TTF2: variants seen among roughly 807,000 people sequenced by gnomAD.
The protein encoded by TTF2 is RNA polymerase II termination factor.
A neutral mutation model predicts 142.4 loss-of-function variants in TTF2; 108 were observed. That is an observed-to-expected ratio of 0.76 (90% CI 0.65 to 0.89). The LOEUF (loss-of-function observed/expected upper bound fraction) is 0.89. Ranked by LOEUF, TTF2 falls within the 40% of genes least tolerant of loss-of-function variation. TTF2 has a pLI of 0.00. For synonymous variants in TTF2, 483 were observed against 506.2 expected, an observed-to-expected ratio of 0.95 and a Z score of 0.61; for missense variants, 1,327 against 1,379.8, an observed-to-expected ratio of 0.96 and a Z score of 0.61.
Position 117,077,917 on chromosome 1 carries a change from C to T in TTF2, c.1575C>T (p.Gly525=). The T allele has an allele frequency of 6.2e-7, 1 of 1,614,018 alleles. No homozygotes were observed. The highest frequency in any genetic ancestry group is 1.3e-5 in the African/African-American group (1 of 75,042). ...TAGGSSQCYR[G]HTNQDHVHAV... ...TAGGTAACACCTATTTGTATGCAGG[C>T]CATACAAACCAAGATCACGTTCATG... Residue 525 remains glycine (G), a splice_region_variant and synonymous_variant, in exon 8 of 23, where the codon GGC becomes GGT. Coordinates refer to ENST00000369466, the MANE Select transcript of TTF2 (RefSeq NM_003594.4).
chr1:117,093,283 C>T lies in TTF2; in HGVS notation c.2976+382C>T, dbSNP rs10494197. On this transcript the variant is annotated intron_variant, in intron 18 of 22. Coordinates refer to ENST00000369466, the MANE Select transcript of TTF2 (RefSeq NM_003594.4). This position sits in a 1 kb window ranked among gnomAD's most constrained non-coding sequence, Gnocchi z 4.5. ...GACTCTAGAGACTGTGTCATACATGCGAGCGCCAATTGCTCTGACTTTGAA... is the reference window on the plus strand; with the variant it reads ...GACTCTAGAGACTGTGTCATACATGTGAGCGCCAATTGCTCTGACTTTGAA... Among the ~76,000 whole-genome samples the T allele has an allele frequency of 0.062, 9,433 of 152,214 alleles. 528 individuals carry two copies. The highest frequency in any genetic ancestry group is 0.13 in the African/African-American group (5,494 of 41,496).
Position 117,072,713 on chromosome 1 carries a change from G to A in TTF2, c.219-948G>A, listed in dbSNP as rs186161469. On this transcript the variant is annotated intron_variant, in intron 3 of 22. Coordinates refer to ENST00000369466, the MANE Select transcript of TTF2 (RefSeq NM_003594.4). Reference sequence around the variant, plus strand: ...GCTGGGATTACAGGTGTGAGCCACCGCACCCGGCCAAGATATGAACTATTT... The same window carrying A: ...GCTGGGATTACAGGTGTGAGCCACCACACCCGGCCAAGATATGAACTATTT... Among the ~76,000 whole-genome samples the A allele has an allele frequency of 7.9e-3, 1,195 of 152,184 alleles. 13 individuals are homozygous for A. The highest frequency in any genetic ancestry group is 0.01 in the Admixed American group (159 of 15,296).
chr1:117,063,652 C>T lies in TTF2; in HGVS notation c.218+1179C>T, dbSNP rs1334670597. 3.3e-5 allele frequency among the ~76,000 whole-genome samples: 5 copies of T among 152,088 alleles called. No homozygotes were observed. The highest frequency in any genetic ancestry group is 9.7e-5 in the African/African-American group (4 of 41,412). ...CCTATTTGCCATCAGAAAATCTCGA[C>T]GTTATCTGTTTAAATATTTTATCCT... is the stretch of plus-strand genomic sequence containing the variant. On this transcript the variant is annotated intron_variant, in intron 3 of 22. Coordinates refer to ENST00000369466, the MANE Select transcript of TTF2 (RefSeq NM_003594.4). The surrounding 1 kb of genome is among the most constrained non-coding windows in gnomAD (Gnocchi z 4.1).
chr1:117,091,605 C>T (rs2101140099), intron 16 of TTF2, among the ~76,000 whole-genome samples, 195 bp downstream of exon 16: 1 of 152,194 alleles, frequency 6.6e-6, no homozygotes, highest in African/African-American at 2.4e-5. Flanking sequence ...TAATTGTTTC[C>T]TAAATCTGCT....
chr1:117,076,948 G>C lies in TTF2; in HGVS notation c.1573+125G>C. On this transcript the variant is annotated intron_variant, in intron 7 of 22. Coordinates refer to ENST00000369466, the MANE Select transcript of TTF2 (RefSeq NM_003594.4). The surrounding 1 kb of genome is among the most constrained non-coding windows in gnomAD (Gnocchi z 4.6). ...TTAGTCACCTGTGGTTCAAAAAAAG[G>C]TGAGTACAGTACAGTAAGATATTTT... The C allele has an allele frequency of 3.9e-6, 3 of 774,202 alleles. No homozygotes were observed. Among genetic ancestry groups the C allele is most frequent in the Non-Finnish European group, 6.0e-6 (3 of 502,524 alleles). 48.0% of individuals were successfully genotyped at this position (774,202 alleles called of 1,614,324 possible).
At chr1:117,078,213 A>C (rs1657176700) in intron 8 of TTF2, among the ~76,000 whole-genome samples, 170 bp downstream of exon 8, 2 of 152,230 alleles carry the variant, frequency 1.3e-5, no homozygotes, top group South Asian at 4.1e-4. Flanking sequence ...CAATAACAAC[A>C]AAACCCCTTT....
Position 117,084,102 on chromosome 1 carries a change from G to A in TTF2, c.1988G>A (p.Arg663Gln), listed in dbSNP as rs748645147. The A allele has an allele frequency of 2.2e-5, 36 of 1,613,986 alleles. 1 individual carries two copies. The highest frequency in any genetic ancestry group is 3.3e-5 in the South Asian group (3 of 91,082). Residue 663 changes from arginine (R) to glutamine (Q), a missense_variant, in exon 11 of 23, where the codon CGG (arginine) becomes CAG (glutamine). Coordinates refer to ENST00000369466, the MANE Select transcript of TTF2 (RefSeq NM_003594.4). ...IHHWKNEVEKRVNSNKLRVYL... is the reference protein window; with the variant it reads ...IHHWKNEVEKQVNSNKLRVYL... ...CATTGGAAAAATGAGGTGGAGAAAC[G>A]GGTGAACAGCAACAAACTAAGAGTC... is the stretch of plus-strand genomic sequence containing the variant.
rs141589215 is a variant in TTF2 at position 117,073,952 on chromosome 1, T to G, written c.285+225T>G. 1.2e-4 allele frequency among the ~76,000 whole-genome samples: 19 copies of G among 152,334 alleles called. No homozygotes were observed. Among genetic ancestry groups the G allele is most frequent in the African/African-American group, 4.1e-4 (17 of 41,576 alleles). On this transcript the variant is annotated intron_variant, in intron 4 of 22. Transcript: ENST00000369466. This position sits in a 1 kb window ranked among gnomAD's most constrained non-coding sequence, Gnocchi z 4.4. ...TGCATCCTATTTCACTTAGTAAATA[T>G]TTTTTGAGGTCTTAAATGTAGTCAG...
In TTF2 at chr1:117,097,410, CCT is replaced by C; in HGVS notation, c.3249_3250del (p.Phe1084SerfsTer11). ...VGLNLTGGNH[L>X]FLLDMHWNPS... ...GTCTAAACCTGACTGGAGGAAATCA[CCT>C]CTTTCTTTTGGACATGCACTGGTAA... On this transcript the variant is annotated frameshift_variant, in exon 21 of 23. Coordinates refer to ENST00000369466, the MANE Select transcript of TTF2 (RefSeq NM_003594.4). LOFTEE classifies it high-confidence loss of function. This position sits in a 1 kb window ranked among gnomAD's most constrained non-coding sequence, Gnocchi z 4.1. The C allele has an allele frequency of 1.2e-6, 2 of 1,614,156 alleles. No individual in the cohort carries two copies. The highest frequency in any genetic ancestry group is 1.1e-5 in the South Asian group (1 of 91,086).
chr1:117,098,055 T>C (rs553244887), intron 21 of TTF2, among the ~76,000 whole-genome samples: 1 of 152,284 alleles, frequency 6.6e-6, no homozygotes, highest in Admixed American at 6.5e-5. Flanking sequence ...GGGATTGTCA[T>C]TGGTCCAATT....
Position 117,065,885 on chromosome 1 carries a change from C to T in TTF2, c.218+3412C>T, listed in dbSNP as rs571462270. On this transcript the variant is annotated intron_variant, in intron 3 of 22. Coordinates refer to ENST00000369466, the MANE Select transcript of TTF2 (RefSeq NM_003594.4). ...AGGAAGCCACTGAAGGATTTTTGAC[C>T]CAATTTGCATTAAAAGAAGAACTAT... 2.0e-5 allele frequency among the ~76,000 whole-genome samples: 3 copies of T among 151,648 alleles called. No homozygotes were observed. In the East Asian group the frequency reaches 5.8e-4, roughly 29 times the overall value.
rs58819363 is a variant in TTF2 at position 117,084,702 on chromosome 1, C to T, written c.2054+534C>T. Among the ~76,000 whole-genome samples the T allele has an allele frequency of 5.2e-3, 786 of 152,260 alleles. 10 individuals carry two copies. Among genetic ancestry groups the T allele is most frequent in the African/African-American group, 0.018 (751 of 41,550 alleles). Reference sequence around the variant, plus strand: ...TGCTCAGGAAGGAGGGAAGAAAATGCTTCCCCACATGGCAATCTTAGTCCT... The same window carrying T: ...TGCTCAGGAAGGAGGGAAGAAAATGTTTCCCCACATGGCAATCTTAGTCCT... On this transcript the variant is annotated intron_variant, in intron 11 of 22. Transcript: ENST00000369466.
intron 3 of TTF2, among the ~76,000 whole-genome samples, chr1:117,066,856 C>G (rs1040678824): frequency 1.3e-5 from 2 of 152,008 alleles, no homozygotes; most frequent in Non-Finnish European, 2.9e-5. Flanking sequence ...GTGTGTGTCA[C>G]GACGCCCAGC....
chr1:117,091,593 TTTAA>T (rs1156287259), intron 16 of TTF2, among the ~76,000 whole-genome samples, 183 bp downstream of exon 16: 2 of 152,350 alleles, frequency 1.3e-5, no homozygotes, highest in African/African-American at 4.8e-5. Flanking sequence ...TTAGCTTCTT[TTTAA>T]TTGTTTCCTA....
In TTF2 at chr1:117,076,404, T is replaced by C; in HGVS notation, c.1390+110T>C. ...TGATTCATTCACTTTTCCATTTTATTATCTGCTTCTGAGACTTCTTTCACA... is the reference window on the plus strand; with the variant it reads ...TGATTCATTCACTTTTCCATTTTATCATCTGCTTCTGAGACTTCTTTCACA... On this transcript the variant is annotated intron_variant, in intron 6 of 22. Coordinates refer to ENST00000369466, the MANE Select transcript of TTF2 (RefSeq NM_003594.4). The surrounding 1 kb of genome is among the most constrained non-coding windows in gnomAD (Gnocchi z 4.6). 1.0e-6 allele frequency: 1 copy of C among 989,756 alleles called. No homozygotes were observed. The highest frequency in any genetic ancestry group is 1.7e-5 in the South Asian group (1 of 58,166). The allele number at this position is 989,756 out of a possible 1,614,324, so 61.3% of individuals were successfully genotyped here. A position where few individuals can be genotyped will look rare whatever the true frequency, so the allele number is the denominator to read the frequency against.
Position 117,092,619 on chromosome 1 carries a change from A to C in TTF2, c.2806-112A>C. 8.1e-7 allele frequency: 1 copy of C among 1,236,400 alleles called. No individual in the cohort carries two copies. Among genetic ancestry groups the C allele is most frequent in the East Asian group, 2.4e-5 (1 of 41,232 alleles). 76.6% of individuals were successfully genotyped at this position (1,236,400 alleles called of 1,614,324 possible). A position where few individuals can be genotyped will look rare whatever the true frequency, so the allele number is the denominator to read the frequency against. On this transcript the variant is annotated intron_variant, in intron 17 of 22. Transcript: ENST00000369466. This position sits in a 1 kb window ranked among gnomAD's most constrained non-coding sequence, Gnocchi z 4.4. ...GTGTCTTGAGGAGTTACTGATGACA[A>C]ATTACAAGATATTTTGCTCTGTGAA...
rs10524337 is a variant in TTF2 at position 117,089,260 on chromosome 1, C to CTATATA, written c.2342+290_2342+295dup. ...TATGCAAAATATATGCAAATATATG[C>CTATATA]TATATATATATATATATGCAAAAAT... On this transcript the variant is annotated intron_variant, in intron 13 of 22. Transcript: ENST00000369466. Among the ~76,000 whole-genome samples the CTATATA allele has an allele frequency of 7.4e-3, 1,016 of 137,520 alleles. 29 individuals are homozygous for CTATATA. Among genetic ancestry groups the CTATATA allele is most frequent in the African/African-American group, 0.016 (595 of 37,240 alleles). 90.2% of individuals were successfully genotyped at this position (137,520 alleles called of 152,430 possible).
At chr1:117,077,858 A>G (rs1657139494) in intron 7 of TTF2, 58 bp from the exon 8 acceptor site, 1 of 1,604,250 alleles carries the variant, frequency 6.2e-7, no homozygotes. Flanking sequence ...AGTTCACTCT[A>G]AAGGGATAAA....
At position 117,062,383 on chromosome 1, in the gene TTF2, C is replaced by A. The variant is rs1655750265; in HGVS notation, c.132-4C>A. Reference sequence around the variant, plus strand: ...AATGTTTTCAACTTTTTTCTTTTCTCTAGCATTCCTGTTTCCCATTGCTTA... The same window carrying A: ...AATGTTTTCAACTTTTTTCTTTTCTATAGCATTCCTGTTTCCCATTGCTTA... On this transcript the variant is annotated splice_polypyrimidine_tract_variant and splice_region_variant and intron_variant, in intron 2 of 22. Coordinates refer to ENST00000369466, the MANE Select transcript of TTF2 (RefSeq NM_003594.4). The A allele has an allele frequency of 6.2e-7, 1 of 1,610,780 alleles. No homozygotes were observed. Among genetic ancestry groups the A allele is most frequent in the African/African-American group, 1.3e-5 (1 of 74,668 alleles).
Sources: gnomAD v4.1 joint callset for allele counts (sites outside exome capture counted in the v4.1 genomes callset) on GRCh38, gnomAD v4.1.1 for gene constraint, Gnocchi (gnomAD v3.1) non-coding constraint, MANE v1.5 for transcripts, NCBI Gene and HGNC (gene_info 2026-07-23, HGNC 2026-07-21) for gene names.